The following RBMS3 variants were observed in gnomAD, a reference collection of about 807,000 sequenced individuals.
RBMS3 encodes the protein RNA binding motif single stranded interacting protein 3, also known as RNA-binding motif, single-stranded-interacting protein 3.
RBMS3 carries 27 observed loss-of-function variants against 66.8 expected under a neutral mutation model. The ratio of observed to expected loss-of-function variants is 0.40; its 90% CI spans 0.30 to 0.56. The LOEUF (loss-of-function observed/expected upper bound fraction) is 0.56. Ranked by LOEUF, RBMS3 falls within the 20% of genes least tolerant of loss-of-function variation. RBMS3 has a pLI of 0.40. For synonymous variants in RBMS3, 188 were observed against 183.0 expected, an observed-to-expected ratio of 1.03 and a Z score of -0.22; for missense variants, 513 against 549.5, an observed-to-expected ratio of 0.93 and a Z score of 0.66.
At chr3:29,685,561 C>T (rs1019930706) in intron 4 of RBMS3, among the ~76,000 whole-genome samples, 16 of 152,092 alleles carry the variant, frequency 1.1e-4, no homozygotes, top group African/African-American at 3.9e-4. Context: ...AAAACAAGTT[C>T]CGGTTTCCTC....
intron 1 of RBMS3, among the ~76,000 whole-genome samples, chr3:29,369,064 A>G (rs992601773): frequency 2.0e-5 from 3 of 152,100 alleles, no homozygotes; most frequent in Non-Finnish European, 4.4e-5. Flanking sequence ...AGCAGGAACA[A>G]CAAGCCAAAT....
chr3:30,005,082 T>A lies in RBMS3; in HGVS notation c.*1220T>A, dbSNP rs1013459927. ...CTATTACAGTCCAGAAGATAGAGGT[T>A]GTTTTCGTTTCTTTTCTTTTTAAAA... On this transcript the variant is annotated 3_prime_UTR_variant, in exon 15 of 15. Transcript: ENST00000383767. 1.3e-5 allele frequency: 2 copies of A among 149,562 alleles called. No individual in the cohort carries two copies. Among genetic ancestry groups the A allele is most frequent in the Admixed American group, 6.8e-5 (1 of 14,780 alleles). 9.3% of individuals were successfully genotyped at this position (149,562 alleles called of 1,614,324 possible). A position where few individuals can be genotyped will look rare whatever the true frequency, so the allele number is the denominator to read the frequency against.
intron 12 of RBMS3, among the ~76,000 whole-genome samples, chr3:29,980,889 G>A (rs1259361183): frequency 1.3e-5 from 2 of 152,048 alleles, no homozygotes; most frequent in African/African-American, 4.8e-5. Context: ...TGTTCTTTTT[G>A]CTTAGGATTG....
chr3:29,477,697 T>A (rs576744315), intron 2 of RBMS3, among the ~76,000 whole-genome samples: 27 of 150,358 alleles, frequency 1.8e-4, no homozygotes, highest in East Asian at 9.9e-4. Context: ...AAAAAAAAAA[T>A]GAGAGATATG....
chr3:29,326,214 A>T (rs77935688), intron 1 of RBMS3, among the ~76,000 whole-genome samples: 2 of 152,116 alleles, frequency 1.3e-5, no homozygotes, highest in Non-Finnish European at 2.9e-5. Flanking sequence ...CACTGGCTAC[A>T]TAATATATAT....
At chr3:29,936,302 T>G (rs1190290472) in intron 11 of RBMS3, 106 bp downstream of exon 11, 1 of 1,037,132 alleles carries the variant, frequency 9.6e-7, no homozygotes, top group Non-Finnish European at 1.4e-6. Context: ...CCATATTCGT[T>G]GACTAACACA....
intron 8 of RBMS3, among the ~76,000 whole-genome samples, chr3:29,884,468 C>CTCT (rs2059818168): frequency 2.4e-5 from 2 of 81,676 alleles, no homozygotes; most frequent in East Asian, 5.1e-4. Context: ...CTCTCTCTCT[C>CTCT]TCCCCCCCCG....
At chr3:29,930,927 C>T (rs1314755495) in intron 10 of RBMS3, among the ~76,000 whole-genome samples, 2 of 152,042 alleles carry the variant, frequency 1.3e-5, no homozygotes, top group Non-Finnish European at 2.9e-5. Context: ...TCCATTTTAA[C>T]GAGCAATCTC....
chr3:29,582,559 G>C (rs976943627), intron 3 of RBMS3, among the ~76,000 whole-genome samples: 2 of 152,194 alleles, frequency 1.3e-5, no homozygotes, highest in African/African-American at 4.8e-5. Flanking sequence ...ACTTGGGCCA[G>C]AGTTTCTGAT....
At chr3:29,605,258 T>G (rs2048285271) in intron 4 of RBMS3, among the ~76,000 whole-genome samples, 1 of 151,782 alleles carries the variant, frequency 6.6e-6, no homozygotes, top group African/African-American at 2.4e-5. Context: ...TTACGATTGT[T>G]TAGGTATTAT....
chr3:29,305,511 C>G (rs965478738), intron 1 of RBMS3, among the ~76,000 whole-genome samples: 2 of 151,914 alleles, frequency 1.3e-5, no homozygotes, highest in Non-Finnish European at 2.9e-5. Context: ...CTCCCAGTTC[C>G]TACGCCAAAT....
chr3:29,801,750 T>A (rs2057398747), intron 6 of RBMS3, among the ~76,000 whole-genome samples: 1 of 152,184 alleles, frequency 6.6e-6, no homozygotes, highest in African/African-American at 2.4e-5. Context: ...TCTAGAAATT[T>A]CTGCTCTTTT....
At chr3:29,677,425 A>G (rs1365753476) in intron 4 of RBMS3, among the ~76,000 whole-genome samples, 2 of 152,196 alleles carry the variant, frequency 1.3e-5, no homozygotes, top group Non-Finnish European at 2.9e-5. Context: ...AAATTTTTCT[A>G]AAGTTTGGTA....
chr3:29,457,441 G>A (rs1350420041), intron 2 of RBMS3, among the ~76,000 whole-genome samples: 2 of 152,140 alleles, frequency 1.3e-5, no homozygotes, highest in African/African-American at 4.8e-5. Flanking sequence ...TTCTCACATG[G>A]CCTGAAGCAG....
intron 2 of RBMS3, among the ~76,000 whole-genome samples, chr3:29,461,117 T>C (rs953307790): frequency 2.6e-5 from 4 of 152,234 alleles, no homozygotes; most frequent in Admixed American, 6.5e-5. Flanking sequence ...CTCATTTCCT[T>C]GTTAATGATT....
intron 3 of RBMS3, among the ~76,000 whole-genome samples, chr3:29,502,804 T>G (rs185264731): frequency 6.1e-4 from 93 of 152,270 alleles, no homozygotes; most frequent in African/African-American, 2.2e-3. Flanking sequence ...GAAAATAGCC[T>G]CAGAATTATT....
At chr3:29,975,833 T>C (rs941674135) in intron 12 of RBMS3, among the ~76,000 whole-genome samples, 6 of 152,000 alleles carry the variant, frequency 3.9e-5, no homozygotes, top group African/African-American at 1.4e-4. Flanking sequence ...CCTTTGTATT[T>C]CCATATAAAT....
At chr3:29,733,963 T>G (rs1412421285) in intron 4 of RBMS3, among the ~76,000 whole-genome samples, 1 of 152,140 alleles carries the variant, frequency 6.6e-6, no homozygotes, top group African/African-American at 2.4e-5. Flanking sequence ...GTTTCATTAT[T>G]CTGTATGTGG....
chr3:29,614,719 T>C (rs998949615), intron 4 of RBMS3: 2 of 152,130 alleles, frequency 1.3e-5, no homozygotes, highest in African/African-American at 4.8e-5. Context: ...GTTAAAGAGA[T>C]AAATATAAAA....
Sources: allele counts gnomAD v4.1 joint callset (sites outside exome capture counted in the v4.1 genomes callset), GRCh38; gene constraint gnomAD v4.1.1; transcripts MANE v1.5; gene names NCBI Gene and HGNC (gene_info 2026-07-23, HGNC 2026-07-21).